The following ATP2C1 variants were observed in gnomAD, a reference collection of about 807,000 sequenced individuals.
The protein encoded by ATP2C1 is ATPase secretory pathway Ca2+ transporting 1.
ATP2C1 carries 31 observed loss-of-function variants against 120.5 expected under a neutral mutation model. The ratio of observed to expected loss-of-function variants is 0.26; its 90% CI spans 0.19 to 0.35. The LOEUF is 0.35. Ranked by LOEUF, ATP2C1 falls within the 10% of genes least tolerant of loss-of-function variation. The pLI is 1.00. For missense variants in ATP2C1, 731 were observed against 1,107.5 expected (o/e 0.66, Z 4.83); for synonymous variants, 351 against 358.7 (o/e 0.98, Z 0.24).
At chr3:130,973,992 A>G (rs1275321765) in intron 17 of ATP2C1, among the ~76,000 whole-genome samples, 1 of 152,194 alleles carries the variant, frequency 6.6e-6, no homozygotes, top group Non-Finnish European at 1.5e-5. Context: ...TTGTTCCTAG[A>G]TACCAGTGGT....
At chr3:130,944,132 T>C (rs1487590931) in intron 8 of ATP2C1, among the ~76,000 whole-genome samples, 2 of 152,234 alleles carry the variant, frequency 1.3e-5, no homozygotes, top group Non-Finnish European at 2.9e-5. Context: ...ACTTCTGCTA[T>C]GTAGTTAGTT....
chr3:130,876,418 T>C (rs2068606406), intron 1 of ATP2C1, among the ~76,000 whole-genome samples: 1 of 152,136 alleles, frequency 6.6e-6, no homozygotes, highest in African/African-American at 2.4e-5. Context: ...TCTTCTTTTC[T>C]GAAAATTAGT....
intron 3 of ATP2C1, 88 bp from the exon 4 acceptor site, chr3:130,931,932 AAT>A: frequency 2.4e-6 from 2 of 848,502 alleles, no homozygotes; most frequent in South Asian, 2.8e-5. Context: ...AGTTTCTGTA[AAT>A]GTGATAATAC....
At chr3:130,861,047 A>T (rs2067998016) in intron 1 of ATP2C1, among the ~76,000 whole-genome samples, 1 of 152,212 alleles carries the variant, frequency 6.6e-6, no homozygotes, top group Non-Finnish European at 1.5e-5. Flanking sequence ...AGGTGGGTGG[A>T]TCAGTTGAGG....
At chr3:131,005,635 A>C (rs1237998232), downstream of ATP2C1, among the ~76,000 whole-genome samples, 1 of 152,224 alleles carries the variant, frequency 6.6e-6, no homozygotes, top group African/African-American at 2.4e-5. Context: ...GCTATAGCTG[A>C]CTAATTATAA....
intron 1 of ATP2C1, among the ~76,000 whole-genome samples, chr3:130,878,785 A>T (rs1375144104): frequency 6.6e-6 from 1 of 152,120 alleles, no homozygotes; most frequent in African/African-American, 2.4e-5. Flanking sequence ...ATATGACTTG[A>T]TGCTTATCTC....
At chr3:130,905,898 GA>G in intron 2 of ATP2C1, among the ~76,000 whole-genome samples, 1 of 152,112 alleles carries the variant, frequency 6.6e-6, no homozygotes, top group African/African-American at 2.4e-5. Flanking sequence ...TTACACTTGG[GA>G]ATTGATATCA....
intron 27 of ATP2C1, among the ~76,000 whole-genome samples, chr3:131,000,895 G>A (rs1472160145): frequency 6.6e-6 from 1 of 152,036 alleles, no homozygotes; most frequent in Non-Finnish European, 1.5e-5. Flanking sequence ...TTGAGGTCAG[G>A]AGTTCAAGAC....
intron 2 of ATP2C1, among the ~76,000 whole-genome samples, chr3:130,911,544 G>C (rs538374668): frequency 2.0e-5 from 3 of 151,208 alleles, no homozygotes; most frequent in Non-Finnish European, 4.4e-5. Context: ...GTGATGTTAG[G>C]GTGTCAATTT....
In ATP2C1 at chr3:130,975,494, G is replaced by C. The variant is rs200903732; in HGVS notation, c.1570+6G>C. On this transcript the variant is annotated splice_donor_region_variant and intron_variant, in intron 18 of 27. Coordinates refer to ENST00000510168, the MANE Select transcript of ATP2C1 (RefSeq NM_001378687.1). ...GGGCTCAGCGGGACTCAGAGGTAAG[G>C]CTATTTCAGCATAGTCCCCTGGGGT... The C allele has an allele frequency of 6.2e-7, 1 of 1,613,300 alleles. No individual in the cohort carries two copies. The highest frequency in any genetic ancestry group is 1.3e-5 in the African/African-American group (1 of 74,994).
At position 131,011,334 on chromosome 3, in the gene ATP2C1, G is replaced by C. The variant is rs556645920; in HGVS notation, c.2630-4818G>C. The stretch of plus-strand genomic sequence containing the variant: ...AGAACATGATTAGGTTATAGTAAAA[G>C]TTTTCCTGTCTCTGCAGCTTTCTCT... On this transcript the variant is annotated intron_variant, in intron 26 of 26. Coordinates refer to the ATP2C1 transcript ENST00000328560. Among the ~76,000 whole-genome samples, 3 of 152,278 alleles carry C rather than the reference G, an allele frequency of 2.0e-5. No individual in the cohort carries two copies. The South Asian group carries it at 6.2e-4, about 32-fold the overall frequency.
chr3:130,941,260 GTGTGTC>G (rs1212644468), intron 7 of ATP2C1, among the ~76,000 whole-genome samples: 79 of 133,150 alleles, frequency 5.9e-4, no homozygotes, highest in African/African-American at 1.9e-3. Context: ...GTGTGTGTGT[GTGTGTC>G]TGTGTGTGTG....
chr3:130,899,858 T>A lies in ATP2C1; in HGVS notation c.6+5083T>A, dbSNP rs72983767. On this transcript the variant is annotated intron_variant, in intron 2 of 27. Coordinates refer to ENST00000510168, the MANE Select transcript of ATP2C1 (RefSeq NM_001378687.1). Reference sequence around the variant, plus strand: ...ATTCAATTTCTATCTCTGCTTTTTTTAATTCTGCTATAGGTATTAGAGAAT... The same window carrying A: ...ATTCAATTTCTATCTCTGCTTTTTTAAATTCTGCTATAGGTATTAGAGAAT... 5.2e-3 allele frequency among the ~76,000 whole-genome samples: 793 copies of A among 152,270 alleles called. 6 individuals carry two copies. Among genetic ancestry groups the A allele is most frequent in the African/African-American group, 0.018 (758 of 41,574 alleles).
At position 130,918,516 on chromosome 3, in the gene ATP2C1, A is replaced by C. The variant is rs1405830384; in HGVS notation, c.7-11900A>C. On this transcript the variant is annotated intron_variant, in intron 2 of 27. Coordinates refer to ENST00000510168, the MANE Select transcript of ATP2C1 (RefSeq NM_001378687.1). ...ATTTGCTTGTAGGCATGTGAGGCTG[A>C]ACACTCTGGCTTGATGCCCAGGCTC... The C allele has an allele frequency of 5.3e-6, 4 of 760,062 alleles. No homozygotes were observed. In the East Asian group the frequency reaches 1.0e-4, roughly 19 times the overall value. 47.1% of individuals were successfully genotyped at this position (760,062 alleles called of 1,614,324 possible).
chr3:130,932,121 A>G lies in ATP2C1; in HGVS notation c.217A>G (p.Lys73Glu), dbSNP rs1576769461. 1.2e-6 allele frequency: 2 copies of G among 1,602,740 alleles called. No homozygotes were observed. Among genetic ancestry groups the G allele is most frequent in the Non-Finnish European group, 1.7e-6 (2 of 1,169,730 alleles). ...FDISEDEPLW[K>E]KYISQFKNPL... Reference sequence around the variant, plus strand: ...TATTAGTGAAGATGAGCCACTGTGGAAGAAGTATATTTCTCAGGTGAGATA... The same window carrying G: ...TATTAGTGAAGATGAGCCACTGTGGGAGAAGTATATTTCTCAGGTGAGATA... Residue 73 changes from lysine (K) to glutamate (E), a missense_variant, in exon 4 of 28, where the codon AAG becomes GAG. Around this residue, in one of 3 missense-constraint regions of ATP2C1, gnomAD observed 571 missense variants for 845.9 expected, o/e 0.67. Transcript: ENST00000510168.
chr3:130,966,006 A>T (rs931550969), intron 14 of ATP2C1, among the ~76,000 whole-genome samples: 12 of 152,294 alleles, frequency 7.9e-5, no homozygotes, highest in African/African-American at 2.9e-4. Flanking sequence ...GAAGGTGCTT[A>T]TGGACAGGTC....
upstream of ATP2C1, among the ~76,000 whole-genome samples, chr3:130,892,273 G>A (rs988304936): frequency 1.3e-5 from 2 of 152,148 alleles, no homozygotes; most frequent in African/African-American, 2.4e-5. Flanking sequence ...TATTTATATT[G>A]TGTAATTTCC....
intron 20 of ATP2C1, among the ~76,000 whole-genome samples, chr3:130,983,398 T>C (rs2061857501): frequency 6.6e-6 from 1 of 152,234 alleles, no homozygotes; most frequent in Non-Finnish European, 1.5e-5. Context: ...CTCTACCCTC[T>C]ACTCTTACAC....
intron 20 of ATP2C1, among the ~76,000 whole-genome samples, chr3:130,990,021 C>T (rs2062245707): frequency 6.6e-6 from 1 of 151,976 alleles, no homozygotes; most frequent in Non-Finnish European, 1.5e-5. Flanking sequence ...TTTGGATTGC[C>T]TAGGGATAAT....
Sources: gnomAD v4.1 joint callset for allele counts (sites outside exome capture counted in the v4.1 genomes callset) on GRCh38, gnomAD v4.1.1 for gene constraint, gnomAD v4.1.1 regional missense constraint, MANE v1.5 for transcripts, NCBI Gene and HGNC (gene_info 2026-07-23, HGNC 2026-07-21) for gene names.